The following LIN52 variants were observed in gnomAD, a reference collection of about 807,000 sequenced individuals.
LIN52 encodes lin-52 DREAM MuvB core complex component.
Under a neutral mutation model 18.5 loss-of-function variants are expected in LIN52, and 4 were observed. The ratio of observed to expected loss-of-function variants is 0.22; its 90% CI spans 0.11 to 0.49. The LOEUF (loss-of-function observed/expected upper bound fraction) is 0.49, where lower values mean the gene tolerates loss of function less well. LIN52 is among the 20% of genes least tolerant of loss of function. The pLI is 0.97. For synonymous variants in LIN52, 34 were observed against 45.5 expected (o/e 0.75, Z 1.02); for missense variants, 102 against 139.5 (o/e 0.73, Z 1.35).
At chr14:74,167,331 T>C (rs2061254234) in intron 5 of LIN52, among the ~76,000 whole-genome samples, 1 of 152,162 alleles carries the variant, frequency 6.6e-6, no homozygotes, top group African/African-American at 2.4e-5. Context: ...AAATACTGAA[T>C]AGAATTGTAC....
At chr14:74,146,474 G>A (rs1182476291) in intron 5 of LIN52, among the ~76,000 whole-genome samples, 4 of 152,094 alleles carry the variant, frequency 2.6e-5, no homozygotes, top group African/African-American at 9.7e-5. Context: ...TGCTCTTCCA[G>A]TGTGTGCTGT....
chr14:74,090,058 G>A (rs2060763080), intron 1 of LIN52, among the ~76,000 whole-genome samples: 1 of 123,410 alleles, frequency 8.1e-6, no homozygotes, highest in Non-Finnish European at 1.7e-5. Flanking sequence ...TTGCTTTGTT[G>A]CCCAGGCTGG....
intron 2 of LIN52, among the ~76,000 whole-genome samples, chr14:74,093,331 T>TC (rs1417861902): frequency 2.0e-5 from 3 of 150,078 alleles, no homozygotes; most frequent in African/African-American, 7.4e-5. Flanking sequence ...CTTTTTTTTT[T>TC]TTTTTTTTTT....
At chr14:74,162,677 A>G (rs2061231182) in intron 5 of LIN52, among the ~76,000 whole-genome samples, 1 of 152,064 alleles carries the variant, frequency 6.6e-6, no homozygotes. Context: ...TACAGGTGTG[A>G]GCCACTGCGC....
chr14:74,119,286 C>G (rs141572158), intron 5 of LIN52, among the ~76,000 whole-genome samples: 1 of 151,276 alleles, frequency 6.6e-6, no homozygotes, highest in Non-Finnish European at 1.5e-5. Context: ...CTCAGCCTCC[C>G]GAATAGCTAG....
chr14:74,181,128 A>AAAAAAAAG (rs1566868814), intron 5 of LIN52, among the ~76,000 whole-genome samples: 1 of 140,002 alleles, frequency 7.1e-6, no homozygotes, highest in Non-Finnish European at 1.5e-5. Context: ...AAAAAAAAAA[A>AAAAAAAAG]GAAAAAAGAA....
At chr14:74,110,678 A>AT (rs1252618381) in intron 5 of LIN52, among the ~76,000 whole-genome samples, 3 of 147,538 alleles carry the variant, frequency 2.0e-5, no homozygotes, top group Non-Finnish European at 4.5e-5. Flanking sequence ...TCAAAAAAAA[A>AT]AGGAGGCCAG....
intron 1 of LIN52, among the ~76,000 whole-genome samples, chr14:74,088,052 A>C (rs894494294): frequency 2.6e-5 from 4 of 152,158 alleles, no homozygotes; most frequent in African/African-American, 9.7e-5. Flanking sequence ...AGCTGGTACT[A>C]TAGGCTCACA....
chr14:74,087,952 T>C (rs775428201), intron 1 of LIN52, among the ~76,000 whole-genome samples: 6 of 152,084 alleles, frequency 3.9e-5, no homozygotes, highest in Non-Finnish European at 8.8e-5. Flanking sequence ...TCTCTCTCAC[T>C]CTATTGCCCA....
At chr14:74,173,090 G>T (rs1014782647) in intron 5 of LIN52, among the ~76,000 whole-genome samples, 1 of 152,102 alleles carries the variant, frequency 6.6e-6, no homozygotes, top group Non-Finnish European at 1.5e-5. Context: ...TGTATAAAAA[G>T]CATTCTGTTG....
chr14:74,135,845 AT>A (rs1436913760), intron 5 of LIN52, among the ~76,000 whole-genome samples: 3 of 150,908 alleles, frequency 2.0e-5, no homozygotes, highest in Admixed American at 6.6e-5. Context: ...TCCTTAAAAC[AT>A]TTTTTTTAAT....
Position 74,191,293 on chromosome 14 carries a change from G to C in LIN52, c.284-7629G>C, listed in dbSNP as rs528106627. On this transcript the variant is annotated intron_variant, in intron 5 of 5. Coordinates refer to ENST00000555028, the MANE Select transcript of LIN52 (RefSeq NM_001024674.3). ...GCCTTTGAGAATAGTCTCTTTCTGT[G>C]GGAAAGCATGTCTTTGACTTTATTT... 4.6e-5 allele frequency among the ~76,000 whole-genome samples: 7 copies of C among 152,248 alleles called. No individual in the cohort carries two copies. In the South Asian group the frequency reaches 1.5e-3, roughly 32 times the overall value.
intron 5 of LIN52, among the ~76,000 whole-genome samples, chr14:74,176,891 T>C (rs1379461467): frequency 3.3e-5 from 5 of 152,242 alleles, no homozygotes; most frequent in Non-Finnish European, 7.3e-5. Context: ...ACCACTAACC[T>C]ATTTTCTATC....
chr14:74,199,044 A>G lies in LIN52; in HGVS notation c.*67A>G, dbSNP rs2078931863. 1.8e-6 allele frequency: 2 copies of G among 1,091,858 alleles called. No homozygotes were observed. The highest frequency in any genetic ancestry group is 1.4e-6 in the Non-Finnish European group (1 of 709,082). 67.6% of individuals were successfully genotyped at this position (1,091,858 alleles called of 1,614,324 possible). On this transcript the variant is annotated 3_prime_UTR_variant, in exon 6 of 6. Transcript: ENST00000555028. Reference sequence around the variant, plus strand: ...CTCCCTTCCCGGTGCACCTCTAACAATGCACACCTCACTGCTTGCTTGGGA... The same window carrying G: ...CTCCCTTCCCGGTGCACCTCTAACAGTGCACACCTCACTGCTTGCTTGGGA...
At chr14:74,185,633 T>C (rs992788787) in intron 5 of LIN52, among the ~76,000 whole-genome samples, 3 of 152,194 alleles carry the variant, frequency 2.0e-5, no homozygotes, top group African/African-American at 7.2e-5. Flanking sequence ...TTTTTAATGC[T>C]GAAAATCTTG....
At chr14:74,183,226 T>G (rs568576177) in intron 5 of LIN52, among the ~76,000 whole-genome samples, 17 of 151,714 alleles carry the variant, frequency 1.1e-4, no homozygotes, top group Non-Finnish European at 2.4e-4. Context: ...GCCTCCCAAG[T>G]AGCTGGCACT....
At chr14:74,095,035 A>T (rs1008537014) in intron 2 of LIN52, among the ~76,000 whole-genome samples, 1 of 151,718 alleles carries the variant, frequency 6.6e-6, no homozygotes, top group Non-Finnish European at 1.5e-5. Context: ...GCTAAAGTGC[A>T]ATGTCACGAT....
chr14:74,146,189 TA>T (rs2061151866), intron 5 of LIN52, among the ~76,000 whole-genome samples: 1 of 152,198 alleles, frequency 6.6e-6, no homozygotes, highest in African/African-American at 2.4e-5. Flanking sequence ...TTCAGAGAAG[TA>T]TGTATTTTTC....
At chr14:74,128,413 A>G (rs894384415) in intron 5 of LIN52, among the ~76,000 whole-genome samples, 2 of 152,104 alleles carry the variant, frequency 1.3e-5, no homozygotes, top group African/African-American at 4.8e-5. Flanking sequence ...CTTCTTGAGG[A>G]TGAAGAAAGA....
Sources: allele counts gnomAD v4.1 joint callset (sites outside exome capture counted in the v4.1 genomes callset), GRCh38; gene constraint gnomAD v4.1.1; transcripts MANE v1.5; gene names NCBI Gene and HGNC (gene_info 2026-07-23, HGNC 2026-07-21).